CCDC7: variants seen among roughly 807,000 people sequenced by gnomAD.
CCDC7 encodes the protein coiled-coil domain containing 7.
In CCDC7, 183 loss-of-function variants were observed where a neutral mutation model predicts 196.9. The observed-to-expected ratio is 0.93, with a 90% CI of 0.82 to 1.05. The LOEUF is 1.05. Ranked by LOEUF, CCDC7 falls within the 50% of genes least tolerant of loss-of-function variation. The pLI is 0.00. For missense variants in CCDC7, 1,540 were observed against 1,482.2 expected (o/e 1.04, Z -0.64); for synonymous variants, 525 against 484.6 (o/e 1.08, Z -1.10).
At chr10:32,779,048 G>A (rs572731029) in exon 29 of CCDC7, 17 of 1,550,010 alleles carry the variant, frequency 1.1e-5, no homozygotes, top group South Asian at 8.3e-5. Context: ...GTCAATTAGC[G>A]ACCTAATAAT....
intron 24 of CCDC7, among the ~76,000 whole-genome samples, chr10:32,696,596 A>C (rs1477230346): frequency 6.6e-6 from 1 of 152,116 alleles, no homozygotes; most frequent in East Asian, 1.9e-4. Flanking sequence ...AGGGGCCAGC[A>C]CTGGGCAGAA....
chr10:32,834,741 C>T, intron 32 of CCDC7, 74 bp from the exon 34 acceptor site: 1 of 611,840 alleles, frequency 1.6e-6, no homozygotes, highest in African/African-American at 1.9e-5. Flanking sequence ...AATATACTAT[C>T]ACATACACAC....
rs2072921018 is a variant in CCDC7, at chr10:32,666,990, C to G, written c.2122+2829C>G. On this transcript the variant is annotated intron_variant, in intron 21 of 41. Coordinates refer to ENST00000639629, the Ensembl canonical transcript of CCDC7. Reference sequence around the variant, plus strand: ...TGGTTGAACTAGTTTACAGTCCCACCAACAGTGTAAAAGCGTTCCTATTTC... The same window carrying G: ...TGGTTGAACTAGTTTACAGTCCCACGAACAGTGTAAAAGCGTTCCTATTTC... Among the ~76,000 whole-genome samples, 9 of 152,264 alleles carry G rather than the reference C, an allele frequency of 5.9e-5. 1 individual carries two copies. The South Asian group carries it at 1.9e-3, about 32-fold the overall frequency.
intron 3 of CCDC7, among the ~76,000 whole-genome samples, chr10:32,462,017 C>T (rs1439583458): frequency 6.6e-6 from 1 of 151,848 alleles, no homozygotes; most frequent in East Asian, 1.9e-4. Flanking sequence ...GGTGATCCAC[C>T]TGCCTTGGCC....
At chr10:32,461,770 T>C (rs1421719156) in intron 3 of CCDC7, among the ~76,000 whole-genome samples, 4 of 133,104 alleles carry the variant, frequency 3.0e-5, no homozygotes, top group East Asian at 2.2e-4. Flanking sequence ...TATATGCACA[T>C]ATGTACATTT....
chr10:32,696,108 A>T lies in CCDC7; in HGVS notation c.2458+1116A>T, dbSNP rs145101561. On this transcript the variant is annotated intron_variant, in intron 24 of 41. Transcript: ENST00000639629. ...CCATATACCCCAAAAAAATGGTCCT[A>T]ATTGCAACAATTCGCCTCAGGGACT... Among the ~76,000 whole-genome samples the T allele has an allele frequency of 5.9e-3, 903 of 152,202 alleles. 9 individuals carry two copies. The highest frequency in any genetic ancestry group is 0.021 in the African/African-American group (861 of 41,518).
Position 32,785,250 on chromosome 10 carries a change from A to C in CCDC7, c.3013+6166A>C, listed in dbSNP as rs541794830. Among the ~76,000 whole-genome samples the C allele has an allele frequency of 2.6e-5, 4 of 152,354 alleles. No homozygotes were observed. In the East Asian group the frequency reaches 7.7e-4, roughly 29 times the overall value. Reference sequence around the variant, plus strand: ...TGACTACATATTAGGCCACACATTAAGTTTCAATGAATACCAAAAAATGAT... The same window carrying C: ...TGACTACATATTAGGCCACACATTACGTTTCAATGAATACCAAAAAATGAT... On this transcript the variant is annotated intron_variant, in intron 29 of 41. Transcript: ENST00000639629.
chr10:32,539,272 T>C (rs2051010695), intron 11 of CCDC7, among the ~76,000 whole-genome samples: 1 of 152,106 alleles, frequency 6.6e-6, no homozygotes, highest in South Asian at 2.1e-4. Context: ...CCATTTCTAG[T>C]TTGATGTACT....
chr10:32,867,225 A>G (rs2094232059), intron 41 of CCDC7, among the ~76,000 whole-genome samples: 1 of 151,674 alleles, frequency 6.6e-6, no homozygotes, highest in Admixed American at 6.6e-5. Flanking sequence ...AGTTGAGTCA[A>G]TGTTAAATTT....
At chr10:32,867,354 T>C (rs933714949) in intron 41 of CCDC7, among the ~76,000 whole-genome samples, 1 of 151,566 alleles carries the variant, frequency 6.6e-6, no homozygotes, top group Non-Finnish European at 1.5e-5. Context: ...GAAAAAATAA[T>C]AGTTTATGTA....
At chr10:32,773,527 T>G (rs2079500230) in intron 28 of CCDC7, among the ~76,000 whole-genome samples, 1 of 152,126 alleles carries the variant, frequency 6.6e-6, no homozygotes, top group African/African-American at 2.4e-5. Flanking sequence ...CTTAAAAAAT[T>G]GTTTCTATTT....
At chr10:32,861,115 C>CAAAAAAAAAAAA (rs142801821) in intron 41 of CCDC7, among the ~76,000 whole-genome samples, 10 of 97,118 alleles carry the variant, frequency 1.0e-4, no homozygotes, top group East Asian at 3.0e-4. Flanking sequence ...CAATCATAAG[C>CAAAAAAAAAAAA]AAAAAAAAAA....
chr10:32,801,297 A>G (rs141922903), intron 29 of CCDC7, among the ~76,000 whole-genome samples: 4 of 152,192 alleles, frequency 2.6e-5, no homozygotes, highest in African/African-American at 7.2e-5. Context: ...AAGACTTTGG[A>G]TCTTTTTCTC....
intron 25 of CCDC7, among the ~76,000 whole-genome samples, chr10:32,718,536 G>A (rs1312295286): frequency 6.7e-6 from 1 of 150,022 alleles, no homozygotes; most frequent in Non-Finnish European, 1.5e-5. Context: ...AATTAGGGAA[G>A]AGAAAAAAAT....
intron 28 of CCDC7, among the ~76,000 whole-genome samples, chr10:32,753,887 C>A (rs998626683): frequency 6.6e-6 from 1 of 151,758 alleles, no homozygotes; most frequent in Non-Finnish European, 1.5e-5. Flanking sequence ...TCATAAATTT[C>A]GTTTTTTGTG....
At chr10:32,627,396 T>C (rs73257460) in intron 18 of CCDC7, among the ~76,000 whole-genome samples, 2,661 of 152,022 alleles carry the variant, frequency 0.018, 85 homozygotes, top group African/African-American at 0.061. Flanking sequence ...CTTTATAGAA[T>C]TCAACATTTT....
intron 30 of CCDC7, among the ~76,000 whole-genome samples, chr10:32,808,393 C>T (rs2086319507): frequency 6.6e-6 from 1 of 152,172 alleles, no homozygotes; most frequent in East Asian, 1.9e-4. Context: ...CATTTACCAC[C>T]ACAGGCATCT....
At chr10:32,622,885 A>G (rs2063565177) in intron 18 of CCDC7, among the ~76,000 whole-genome samples, 1 of 152,180 alleles carries the variant, frequency 6.6e-6, no homozygotes, top group African/African-American at 2.4e-5. Flanking sequence ...ATTATTAATA[A>G]TAATAAAATG....
At position 32,869,387 on chromosome 10, in the gene CCDC7, A is replaced by G. The variant is rs1448561212; in HGVS notation, c.4112-6960A>G. Among the ~76,000 whole-genome samples the G allele has an allele frequency of 2.6e-5, 4 of 152,132 alleles. No homozygotes were observed. The East Asian group carries it at 5.8e-4, about 22-fold the overall frequency. On this transcript the variant is annotated intron_variant, in intron 41 of 41. Transcript: ENST00000639629. ...GTCTTCTTTTGAGAAGTGTCTGTTC[A>G]TATCCTTCACCCACTTTTTGATGGG...
Sources: gnomAD v4.1 joint callset for allele counts (sites outside exome capture counted in the v4.1 genomes callset) on GRCh38, gnomAD v4.1.1 for gene constraint, MANE v1.5 for transcripts, NCBI Gene and HGNC (gene_info 2026-07-23, HGNC 2026-07-21) for gene names.